The following PTPRG variants were observed in gnomAD, a reference collection of about 807,000 sequenced individuals.
PTPRG encodes the protein protein tyrosine phosphatase receptor type G.
In PTPRG, 102 loss-of-function variants were observed where a neutral mutation model predicts 165.3. The observed-to-expected ratio is 0.62, with a 90% CI of 0.53 to 0.73. The LOEUF (loss-of-function observed/expected upper bound fraction) is 0.73. PTPRG is among the 30% of genes least tolerant of loss of function. The probability of loss-of-function intolerance (pLI) is 0.00; values close to 1 mark genes in which losing one functional copy is unlikely to be tolerated. For missense variants in PTPRG, 1,866 were observed against 1,861.4 expected, an observed-to-expected ratio of 1.00 and a Z score of -0.05; for synonymous variants, 675 against 669.5, an observed-to-expected ratio of 1.01 and a Z score of -0.13.
At chr3:62,090,051 G>T (rs1701878375) in intron 5 of PTPRG, among the ~76,000 whole-genome samples, 1 of 152,128 alleles carries the variant, frequency 6.6e-6, no homozygotes, top group African/African-American at 2.4e-5. Flanking sequence ...ACTCTTATGT[G>T]TTCACACAAA....
chr3:61,689,441 C>T (rs1411029681), intron 1 of PTPRG, among the ~76,000 whole-genome samples: 3 of 152,192 alleles, frequency 2.0e-5, no homozygotes, highest in Non-Finnish European at 4.4e-5. Flanking sequence ...GTATGAATTT[C>T]ACTTTGGAGG....
At chr3:61,949,687 C>T (rs776032718) in intron 2 of PTPRG, among the ~76,000 whole-genome samples, 13 of 151,610 alleles carry the variant, frequency 8.6e-5, no homozygotes, top group Admixed American at 6.6e-5. Context: ...CCTTCCTAAG[C>T]CTTTGGGTTT....
intron 14 of PTPRG, among the ~76,000 whole-genome samples, chr3:62,231,819 G>C (rs774387475): frequency 5.9e-5 from 9 of 151,296 alleles, no homozygotes; most frequent in Non-Finnish European, 1.0e-4. Context: ...GAATGGTGAA[G>C]TTGTTTTTTT....
At chr3:61,923,041 G>C (rs185730469) in intron 2 of PTPRG, among the ~76,000 whole-genome samples, 3 of 152,260 alleles carry the variant, frequency 2.0e-5, no homozygotes, top group African/African-American at 7.2e-5. Context: ...ACTAGGTATT[G>C]TATCATTGTT....
chr3:61,932,394 C>T (rs1346180691), intron 2 of PTPRG, among the ~76,000 whole-genome samples: 2 of 152,326 alleles, frequency 1.3e-5, no homozygotes, highest in Middle Eastern at 3.4e-3. Flanking sequence ...CTAGCAGCCT[C>T]AGGCGTCTTA....
intron 2 of PTPRG, among the ~76,000 whole-genome samples, chr3:61,800,258 G>A (rs1300782765): frequency 6.6e-6 from 1 of 152,064 alleles, no homozygotes. Flanking sequence ...TCTAGAAGGT[G>A]GTAGGTTTTC....
intron 1 of PTPRG, among the ~76,000 whole-genome samples, chr3:61,624,970 A>C (rs1453754410): frequency 6.6e-6 from 1 of 152,076 alleles, no homozygotes; most frequent in Non-Finnish European, 1.5e-5. Flanking sequence ...TGAAGCTGGA[A>C]GGGATGGATC....
intron 1 of PTPRG, among the ~76,000 whole-genome samples, chr3:61,725,613 T>C (rs1241207573): frequency 2.0e-5 from 3 of 152,172 alleles, no homozygotes; most frequent in Admixed American, 6.5e-5. Flanking sequence ...ACTTTAGATA[T>C]AGAACAAGTC....
intron 2 of PTPRG, among the ~76,000 whole-genome samples, chr3:61,813,733 T>C (rs1482514371): frequency 6.6e-6 from 1 of 152,054 alleles, no homozygotes. Context: ...TGATTTATTC[T>C]AACAAGCCTA....
intron 4 of PTPRG, among the ~76,000 whole-genome samples, chr3:62,073,127 TAAAC>T (rs1479345088): frequency 6.6e-6 from 1 of 151,974 alleles, no homozygotes; most frequent in African/African-American, 2.4e-5. Context: ...GAAACAAAAA[TAAAC>T]AAGTCCATAT....
intron 6 of PTPRG, among the ~76,000 whole-genome samples, chr3:62,149,862 T>TC (rs550430006): frequency 4.6e-5 from 7 of 152,050 alleles, no homozygotes; most frequent in African/African-American, 1.4e-4. Flanking sequence ...GCTGATTTTT[T>TC]CCCCCCCTCA....
chr3:62,123,918 G>A (rs576882389), intron 5 of PTPRG, among the ~76,000 whole-genome samples: 6 of 152,134 alleles, frequency 3.9e-5, no homozygotes, highest in Middle Eastern at 3.4e-3. Flanking sequence ...TGATTTTAAC[G>A]TTTTCGCTCC....
chr3:62,216,008 A>G (rs1181352093), intron 12 of PTPRG, among the ~76,000 whole-genome samples: 2 of 152,140 alleles, frequency 1.3e-5, no homozygotes, highest in African/African-American at 4.8e-5. Flanking sequence ...ACTTGAGGTC[A>G]GGAGTTTGAG....
intron 1 of PTPRG, among the ~76,000 whole-genome samples, chr3:61,643,807 A>G (rs184474757): frequency 1.1e-4 from 17 of 152,274 alleles, no homozygotes; most frequent in African/African-American, 3.8e-4. Context: ...CAGTGAATGT[A>G]TATAGAGGAC....
chr3:62,215,946 G>A (rs1700491325), intron 12 of PTPRG, among the ~76,000 whole-genome samples: 2 of 152,150 alleles, frequency 1.3e-5, no homozygotes, highest in Non-Finnish European at 1.5e-5. Flanking sequence ...TGCTGGGCGC[G>A]GTGGCTCACG....
chr3:61,839,068 T>C (rs1223719751), intron 2 of PTPRG, among the ~76,000 whole-genome samples: 1 of 152,132 alleles, frequency 6.6e-6, no homozygotes, highest in East Asian at 1.9e-4. Context: ...ACCAGAAAAA[T>C]TTTAATATTG....
chr3:61,624,934 A>C (rs1701566373), intron 1 of PTPRG, among the ~76,000 whole-genome samples: 1 of 152,112 alleles, frequency 6.6e-6, no homozygotes, highest in African/African-American at 2.4e-5. Flanking sequence ...GTCTGAGGTC[A>C]AGGTGTCAGC....
intron 12 of PTPRG, among the ~76,000 whole-genome samples, chr3:62,211,821 G>A (rs1261877038): frequency 6.6e-6 from 1 of 152,096 alleles, no homozygotes; most frequent in Non-Finnish European, 1.5e-5. Flanking sequence ...TCCATCTGAT[G>A]TATTGCTGCC....
At chr3:61,910,390 T>A (rs1465988873) in intron 2 of PTPRG, among the ~76,000 whole-genome samples, 1 of 152,188 alleles carries the variant, frequency 6.6e-6, no homozygotes, top group Non-Finnish European at 1.5e-5. Context: ...TACCAAAGAT[T>A]CTCATTGCCT....
Sources: allele counts gnomAD v4.1 joint callset (sites outside exome capture counted in the v4.1 genomes callset), GRCh38; gene constraint gnomAD v4.1.1; transcripts MANE v1.5; gene names NCBI Gene and HGNC (gene_info 2026-07-23, HGNC 2026-07-21).